The following RPS6KA6 variants were observed in gnomAD, a reference collection of about 807,000 sequenced individuals.
RPS6KA6 encodes ribosomal protein S6 kinase A6, also known as ribosomal protein S6 kinase alpha-6.
Under a neutral mutation model 65.4 loss-of-function variants are expected in RPS6KA6, and 27 were observed. The observed-to-expected ratio is 0.41, with a 90% CI of 0.30 to 0.57. The LOEUF (loss-of-function observed/expected upper bound fraction) is 0.57. Among genes scored for constraint, RPS6KA6 ranks in the 20% least tolerant of loss-of-function variants. RPS6KA6 has a pLI of 0.24. For missense variants in RPS6KA6, 486 were observed against 555.6 expected (o/e 0.87, Z 1.26); for synonymous variants, 190 against 184.2 (o/e 1.03, Z -0.26).
intron 2 of RPS6KA6, among the ~76,000 whole-genome samples, chrX:84,160,760 G>A (rs1014907817): frequency 9.0e-6 from 1 of 110,754 alleles, no homozygotes; most frequent in African/African-American, 3.3e-5. Flanking sequence ...CTCATTCAGT[G>A]AATAATATGG....
Position 84,060,358 on chromosome X carries a change from C to A in RPS6KA6, c.*3919G>T, listed in dbSNP as rs1602359676. 1 of 88,257 alleles carries A rather than the reference C, an allele frequency of 1.1e-5. No homozygotes were observed. 7.3% of individuals were successfully genotyped at this position (88,257 alleles called of 1,213,427 possible). Reference sequence around the variant, plus strand: ...TTTTTTTTTTGAAATAACATTGTGACTTAAAGGATTTCTAGGTCCTAAAAT... The same window carrying A: ...TTTTTTTTTTGAAATAACATTGTGAATTAAAGGATTTCTAGGTCCTAAAAT... On this transcript the variant is annotated 3_prime_UTR_variant, in exon 22 of 22. Transcript: ENST00000262752.
At chrX:84,164,550 C>T (rs931083796) in intron 1 of RPS6KA6, among the ~76,000 whole-genome samples, 163 bp from the exon 2 acceptor site, 1 of 112,063 alleles carries the variant, frequency 8.9e-6, no homozygotes, top group Non-Finnish European at 1.9e-5. Context: ...AAAAGGAACA[C>T]TATTAACATG....
At chrX:84,153,154 T>C (rs1048766812) in intron 3 of RPS6KA6, among the ~76,000 whole-genome samples, 5 of 112,097 alleles carry the variant, frequency 4.5e-5, no homozygotes, top group African/African-American at 1.6e-4. Flanking sequence ...TTAAAAACTA[T>C]CACTTGAGAG....
intron 20 of RPS6KA6, among the ~76,000 whole-genome samples, chrX:84,075,105 C>A (rs1290169215): frequency 9.1e-6 from 1 of 110,444 alleles, no homozygotes; most frequent in Non-Finnish European, 1.9e-5. Flanking sequence ...TGGTGGTGCA[C>A]CCCTGAATCC....
At chrX:84,132,275 C>A (rs1382682955) in intron 8 of RPS6KA6, among the ~76,000 whole-genome samples, 3 of 110,288 alleles carry the variant, frequency 2.7e-5, no homozygotes, top group Non-Finnish European at 5.7e-5. Flanking sequence ...CAAAAAATAG[C>A]TGGGTGTGGT....
chrX:84,149,841 C>CA (rs2035267651), intron 3 of RPS6KA6, among the ~76,000 whole-genome samples: 1 of 111,774 alleles, frequency 8.9e-6, no homozygotes, highest in Non-Finnish European at 1.9e-5. Flanking sequence ...TAGCTTCTAT[C>CA]AAGAGAGTCA....
At chrX:84,143,763 C>T (rs764375452) in intron 6 of RPS6KA6, among the ~76,000 whole-genome samples, 22 of 111,115 alleles carry the variant, frequency 2.0e-4, no homozygotes, top group African/African-American at 7.2e-4. Context: ...CTCAAGGACT[C>T]GCACTGCCTC....
intron 5 of RPS6KA6, 30 bp downstream of exon 5, chrX:84,146,944 AAAAT>A: frequency 3.8e-6 from 3 of 796,147 alleles, no homozygotes; most frequent in Admixed American, 2.8e-5. Context: ...AATAAGGATT[AAAAT>A]AAATAAAAGA....
chrX:84,151,546 T>C (rs1220758622), intron 3 of RPS6KA6, among the ~76,000 whole-genome samples: 2 of 109,452 alleles, frequency 1.8e-5, no homozygotes, highest in African/African-American at 6.8e-5. Flanking sequence ...TAGGTAACCA[T>C]AGTTTATTGT....
intron 20 of RPS6KA6, among the ~76,000 whole-genome samples, chrX:84,073,040 C>G (rs976364198): frequency 3.6e-5 from 4 of 111,393 alleles, no homozygotes; most frequent in African/African-American, 1.3e-4. Context: ...TTATAAAATT[C>G]GTATGGAAGC....
chrX:84,183,923 G>A (rs1320070565), intron 1 of RPS6KA6, among the ~76,000 whole-genome samples: 1 of 110,945 alleles, frequency 9.0e-6, no homozygotes, highest in Non-Finnish European at 1.9e-5. Flanking sequence ...GGGGTAGGGT[G>A]GGACTCTGTG....
At chrX:84,153,098 G>T (rs2035356407) in intron 3 of RPS6KA6, among the ~76,000 whole-genome samples, 1 of 111,391 alleles carries the variant, frequency 9.0e-6, no homozygotes, top group Non-Finnish European at 1.9e-5. Context: ...GCTGTTTGAA[G>T]AGAAAGAACC....
At chrX:84,143,927 T>A (rs1374700102) in intron 6 of RPS6KA6, among the ~76,000 whole-genome samples, 1 of 111,104 alleles carries the variant, frequency 9.0e-6, no homozygotes, top group Non-Finnish European at 1.9e-5. Flanking sequence ...GGTAATTCAG[T>A]GAAGAAAAGA....
At chrX:84,148,237 A>G in intron 3 of RPS6KA6, 114 bp from the exon 4 acceptor site, 1 of 428,253 alleles carries the variant, frequency 2.3e-6, no homozygotes, top group South Asian at 5.2e-5. Context: ...AATTTTATAA[A>G]CATATGCCTT....
At chrX:84,081,683 T>C (rs994252077) in intron 20 of RPS6KA6, among the ~76,000 whole-genome samples, 1 of 111,171 alleles carries the variant, frequency 9.0e-6, no homozygotes, top group Non-Finnish European at 1.9e-5. Flanking sequence ...TGAACACAGA[T>C]GCAAAAATCC....
chrX:84,101,593 T>G (rs896452691), intron 18 of RPS6KA6, among the ~76,000 whole-genome samples: 1 of 111,248 alleles, frequency 9.0e-6, no homozygotes, highest in African/African-American at 3.3e-5. Context: ...TTTATAATGC[T>G]AATCTATATA....
intron 2 of RPS6KA6, among the ~76,000 whole-genome samples, chrX:84,163,393 A>G (rs1296603301): frequency 1.8e-5 from 2 of 109,262 alleles, no homozygotes; most frequent in Non-Finnish European, 3.8e-5. Context: ...TAATCCCAGC[A>G]CTTTGGGAGG....
intron 8 of RPS6KA6, among the ~76,000 whole-genome samples, chrX:84,122,488 G>A (rs1240773145): frequency 2.9e-5 from 3 of 102,842 alleles, no homozygotes; most frequent in Admixed American, 2.1e-4. Context: ...CCGCCACCAC[G>A]GGCAGCTAAT....
intron 5 of RPS6KA6, among the ~76,000 whole-genome samples, chrX:84,146,146 G>A (rs1371296743): frequency 9.0e-6 from 1 of 111,239 alleles, no homozygotes; most frequent in African/African-American, 3.3e-5. Flanking sequence ...CAGTATTTTT[G>A]CACACAATAA....
Sources: gnomAD v4.1 joint callset for allele counts (sites outside exome capture counted in the v4.1 genomes callset) on GRCh38, gnomAD v4.1.1 for gene constraint, MANE v1.5 for transcripts, NCBI Gene and HGNC (gene_info 2026-07-23, HGNC 2026-07-21) for gene names.